ZNF721: variants seen among roughly 807,000 people sequenced by gnomAD.
ZNF721 encodes zinc finger protein 721.
Under a neutral mutation model 2.4 loss-of-function variants are expected in ZNF721, and 2 were observed. The ratio of observed to expected loss-of-function variants is 0.82; its 90% confidence interval spans 0.34 to 2.58. The LOEUF is 2.58. ZNF721 is among the 30% of genes most tolerant of loss of function. The pLI, the probability that ZNF721 is intolerant of heterozygous loss-of-function variation, is 0.11. For synonymous variants in ZNF721, 398 were observed against 381.8 expected (o/e 1.04, Z -0.50); for missense variants, 1,187 against 1,085.5 (o/e 1.09, Z -1.31).
intron 2 of ZNF721, among the ~76,000 whole-genome samples, chr4:450,074 C>T (rs1329578231): frequency 1.3e-5 from 2 of 151,984 alleles, no homozygotes; most frequent in Admixed American, 6.6e-5. Context: ...CTGTGGACGA[C>T]CACACACACA....
rs782011031 is a variant in ZNF721 at position 443,875 on chromosome 4, G to C, written c.592C>G (p.Arg198Gly). 2.5e-6 allele frequency: 4 copies of C among 1,613,592 alleles called. No homozygotes were observed. The highest frequency in any genetic ancestry group is 1.3e-5 in the African/African-American group (1 of 74,820). The change falls in exon 3 of 3, where the codon CGT becomes GGT. Residue 198 changes from arginine (R) to glycine (G), a missense_variant. By Grantham distance (125) the Arg-to-Gly change is moderately radical. Transcript: ENST00000511833. ...NREKAYTGEDRDRAFGWSTNL... is the reference protein window; with the variant it reads ...NREKAYTGEDGDRAFGWSTNL... ...GTGGACCATCCAAAGGCTCTGTCAC[G>C]ATCTTCACCTGTGTAAGCTTTCTCT...
chr4:452,748 G>A (rs1366443429), intron 2 of ZNF721, among the ~76,000 whole-genome samples: 1 of 152,154 alleles, frequency 6.6e-6, no homozygotes, highest in Middle Eastern at 3.2e-3. Context: ...AGAAGCAATT[G>A]TTAGCTTTTT....
rs567200795 is a variant in ZNF721 at position 482,566 on chromosome 4, G to A, written c.-93-9865C>T. Among the ~76,000 whole-genome samples the A allele has an allele frequency of 3.9e-5, 6 of 151,990 alleles. No individual in the cohort carries two copies. In the South Asian group the frequency reaches 8.3e-4, roughly 21 times the overall value. The stretch of plus-strand genomic sequence containing the variant: ...GGTTGAAGTGAAGTGGCGTGATCTC[G>A]GCTCACTGCAACCTCTGCCTCCCAG... On this transcript the variant is annotated intron_variant, in intron 1 of 2. Coordinates refer to ENST00000511833, the MANE Select transcript of ZNF721 (RefSeq NM_133474.4).
rs563051974 is a variant in ZNF721, at chr4:471,339, G to A, written c.34+1236C>T. Among the ~76,000 whole-genome samples the A allele has an allele frequency of 8.5e-5, 13 of 152,170 alleles. No homozygotes were observed. In the South Asian group the frequency reaches 2.7e-3, roughly 32 times the overall value. On this transcript the variant is annotated intron_variant, in intron 2 of 2. Coordinates refer to ENST00000511833, the MANE Select transcript of ZNF721 (RefSeq NM_133474.4). ...GTATTTTTACAATAGCCAAAATATA[G>A]AGTGTATATATACACAGTAGAATAT... is the stretch of plus-strand genomic sequence containing the variant.
chr4:460,620 A>AC (rs1302188337), intron 2 of ZNF721, among the ~76,000 whole-genome samples: 4 of 140,868 alleles, frequency 2.8e-5, no homozygotes, highest in Non-Finnish European at 4.7e-5. Flanking sequence ...GACACGAAAG[A>AC]CCCTTTCAAA....
intron 1 of ZNF721, among the ~76,000 whole-genome samples, chr4:487,573 C>T (rs1342208029): frequency 1.3e-5 from 2 of 152,152 alleles, no homozygotes; most frequent in African/African-American, 4.8e-5. Context: ...AATATATACA[C>T]CCATTAAAGA....
rs148845176 is a variant in ZNF721 at position 479,063 on chromosome 4, G to A, written c.-93-6362C>T. 9.6e-4 allele frequency among the ~76,000 whole-genome samples: 146 copies of A among 152,174 alleles called. 1 individual carries two copies. The highest frequency in any genetic ancestry group is 8.9e-3 in the East Asian group (46 of 5,186). On this transcript the variant is annotated intron_variant, in intron 1 of 2. Transcript: ENST00000511833. Reference sequence around the variant, plus strand: ...ATTACAGGTGTGAACCACCGCGCCCGGCCCAAGTTAATTTTTAAAAATTTC... The same window carrying A: ...ATTACAGGTGTGAACCACCGCGCCCAGCCCAAGTTAATTTTTAAAAATTTC...
At chr4:486,453 G>A (rs373949633) in intron 1 of ZNF721, among the ~76,000 whole-genome samples, 4 of 152,100 alleles carry the variant, frequency 2.6e-5, no homozygotes, top group South Asian at 2.1e-4. Flanking sequence ...CACCGCGCCC[G>A]GCCTTAGTTG....
At chr4:488,922 G>C (rs1185972410) in intron 1 of ZNF721, among the ~76,000 whole-genome samples, 1 of 152,016 alleles carries the variant, frequency 6.6e-6, no homozygotes. Flanking sequence ...AGGGAGGGAG[G>C]GTCTCAGGAG....
At chr4:490,802 G>T (rs1399934447) in intron 1 of ZNF721, among the ~76,000 whole-genome samples, 2 of 151,968 alleles carry the variant, frequency 1.3e-5, no homozygotes, top group African/African-American at 4.8e-5. Flanking sequence ...AATGAACCCT[G>T]TGCAGGCTGG....
chr4:496,794 G>C (rs1448445371), intron 1 of ZNF721, among the ~76,000 whole-genome samples: 4 of 145,510 alleles, frequency 2.7e-5, no homozygotes, highest in African/African-American at 1.0e-4. Flanking sequence ...CTCACTGCAG[G>C]CTCCGCCTCC....
intron 1 of ZNF721, among the ~76,000 whole-genome samples, chr4:492,939 C>CT (rs1489693862): frequency 1.3e-5 from 2 of 151,356 alleles, no homozygotes; most frequent in Non-Finnish European, 2.9e-5. Context: ...AAAGGTTACA[C>CT]TTTTTTTTGG....
chr4:494,296 T>C (rs1326775133), intron 1 of ZNF721, among the ~76,000 whole-genome samples: 6 of 151,388 alleles, frequency 4.0e-5, no homozygotes, highest in African/African-American at 1.5e-4. Context: ...ATTCTCCTGC[T>C]GCAACCTCCC....
At position 444,264 on chromosome 4, in the gene ZNF721, C is replaced by A; in HGVS notation, c.203G>T (p.Gly68Val). The A allele has an allele frequency of 1.2e-6, 2 of 1,613,774 alleles. No homozygotes were observed. Among genetic ancestry groups the A allele is most frequent in the Non-Finnish European group, 1.7e-6 (2 of 1,179,814 alleles). Residue 68 changes from glycine to valine, a missense_variant, in exon 3 of 3, where the codon GGA (glycine) becomes GTA (valine). Physicochemically the swap from Gly to Val is moderately radical, Grantham distance 109 (BLOSUM62 -3). Transcript: ENST00000511833. The stretch of plus-strand genomic sequence containing the variant: ...AGTATTTGACAAGCATTTATTAATT[C>A]CATTATAAACTCCCTTCTGCACTTT... ...VCKVQKGVYN[G>V]INKCLSNTQS... is the part of the protein sequence containing the mutation.
At chr4:456,531 T>C (rs1260301392) in intron 2 of ZNF721, among the ~76,000 whole-genome samples, 1 of 152,196 alleles carries the variant, frequency 6.6e-6, no homozygotes, top group East Asian at 1.9e-4. Context: ...TTTATTTGAA[T>C]TAAACACCAC....
chr4:473,871 A>AAGCGGC, intron 1 of ZNF721: 1 of 1,352,008 alleles, frequency 7.4e-7, no homozygotes, highest in Non-Finnish European at 9.9e-7. Flanking sequence ...ACCGAGGGCT[A>AAGCGGC]AGCGGCGGCA....
intron 2 of ZNF721, among the ~76,000 whole-genome samples, chr4:462,699 T>C (rs1715106019): frequency 6.6e-6 from 1 of 152,188 alleles, no homozygotes. Context: ...TGGCTAGCCA[T>C]ATGCAGAAAA....
At chr4:488,955 C>A (rs1214823328) in intron 1 of ZNF721, among the ~76,000 whole-genome samples, 3 of 152,152 alleles carry the variant, frequency 2.0e-5, no homozygotes, top group Non-Finnish European at 4.4e-5. Flanking sequence ...CAAGGGACCA[C>A]ACCTGCACTA....
At chr4:493,657 C>A (rs1391258241) in intron 1 of ZNF721, among the ~76,000 whole-genome samples, 1 of 134,222 alleles carries the variant, frequency 7.5e-6, no homozygotes, top group Non-Finnish European at 1.5e-5. Flanking sequence ...CCAGTCTGGG[C>A]AACAGAGGAA....
Sources: allele counts gnomAD v4.1 joint callset (sites outside exome capture counted in the v4.1 genomes callset), GRCh38; gene constraint gnomAD v4.1.1; transcripts MANE v1.5; gene names NCBI Gene and HGNC (gene_info 2026-07-23, HGNC 2026-07-21).